ZNF608: variants seen among roughly 807,000 people sequenced by gnomAD.
The protein encoded by ZNF608 is zinc finger protein 608.
A neutral mutation model predicts 109.0 loss-of-function variants in ZNF608; 12 were observed. The observed-to-expected ratio is 0.11, with a 90% CI of 0.07 to 0.18. The LOEUF (loss-of-function observed/expected upper bound fraction) is 0.18. Among genes scored for constraint, ZNF608 ranks in the 10% least tolerant of loss-of-function variants. ZNF608 has a pLI of 1.00. For missense variants in ZNF608, 1,707 were observed against 1,879.3 expected, an observed-to-expected ratio of 0.91 and a Z score of 1.70; for synonymous variants, 732 against 717.4, an observed-to-expected ratio of 1.02 and a Z score of -0.33.
Position 124,641,283 on chromosome 5 carries a change from C to T in ZNF608, c.4419G>A (p.Pro1473=), listed in dbSNP as rs1243261751. The change falls in exon 8 of 10, where the codon CCG becomes CCA. Residue 1473 remains proline, a synonymous_variant. Transcript: ENST00000513986. ...AAGGGTCATATTGACCCGGGATTAG[C>T]GGGTAACCCATGCCAACGTGGGTGT... is the stretch of plus-strand genomic sequence containing the variant. ...HHHTHVGMGY[P]LIPGQYDPFQ... is the part of the protein sequence containing the mutation. 1.2e-5 allele frequency: 20 copies of T among 1,613,672 alleles called. No homozygotes were observed. In the East Asian group the frequency reaches 1.3e-4, roughly 11 times the overall value.
intron 2 of ZNF608, among the ~76,000 whole-genome samples, chr5:124,731,140 AT>A (rs200404214): frequency 1.3e-5 from 2 of 152,030 alleles, no homozygotes; most frequent in South Asian, 2.1e-4. Context: ...GTAAGACATG[AT>A]TTTTTTTTAT....
In ZNF608 at chr5:124,637,705, G is replaced by T; in HGVS notation, c.*195C>A. On this transcript the variant is annotated 3_prime_UTR_variant, in exon 10 of 10. Transcript: ENST00000513986. Reference sequence around the variant, plus strand: ...TATGTATATATACAGATATGTATACGTATATATATATAAAACAGAAGTTTA... The same window carrying T: ...TATGTATATATACAGATATGTATACTTATATATATATAAAACAGAAGTTTA... 2.8e-6 allele frequency: 1 copy of T among 360,532 alleles called. No individual in the cohort carries two copies. The highest frequency in any genetic ancestry group is 5.0e-6 in the Non-Finnish European group (1 of 199,620). 22.3% of individuals were successfully genotyped at this position (360,532 alleles called of 1,614,324 possible). A position where few individuals can be genotyped will look rare whatever the true frequency, so the allele number is the denominator to read the frequency against.
chr5:124,743,854 AAGCAGCAGC>A (rs144751589), intron 2 of ZNF608, among the ~76,000 whole-genome samples: 52 of 151,294 alleles, frequency 3.4e-4, no homozygotes, highest in African/African-American at 8.2e-4. Context: ...CTAGCATCAC[AAGCAGCAGC>A]AGCAGCAGCA....
intron 3 of ZNF608, among the ~76,000 whole-genome samples, chr5:124,684,823 T>A (rs1752336863): frequency 6.6e-6 from 1 of 152,210 alleles, no homozygotes; most frequent in Admixed American, 6.5e-5. Flanking sequence ...TCTCATGGTT[T>A]AGCTACAGGT....
chr5:124,715,477 T>C (rs1753653682), intron 2 of ZNF608, among the ~76,000 whole-genome samples: 1 of 152,250 alleles, frequency 6.6e-6, no homozygotes, highest in African/African-American at 2.4e-5. Context: ...ACCATTAAAA[T>C]AATTTCTAGC....
At chr5:124,678,462 A>G (rs1413338829) in intron 3 of ZNF608, among the ~76,000 whole-genome samples, 1 of 152,188 alleles carries the variant, frequency 6.6e-6, no homozygotes, top group Admixed American at 6.5e-5. Flanking sequence ...TGCCACTGAT[A>G]GGTTCCTGTA....
At chr5:124,696,038 T>C (rs138355901) in intron 3 of ZNF608, among the ~76,000 whole-genome samples, 2,066 of 151,540 alleles carry the variant, frequency 0.014, 42 homozygotes, top group African/African-American at 0.047. Context: ...ACAAAAATTA[T>C]CGAGGTGTGG....
At chr5:124,708,530 CA>C (rs1300421347) in intron 2 of ZNF608, among the ~76,000 whole-genome samples, 7 of 152,184 alleles carry the variant, frequency 4.6e-5, no homozygotes, top group African/African-American at 1.7e-4. Context: ...ACCCATAGTT[CA>C]GAATAGTGAA....
chr5:124,733,593 G>C (rs1335832843), intron 2 of ZNF608, among the ~76,000 whole-genome samples: 1 of 152,260 alleles, frequency 6.6e-6, no homozygotes, highest in East Asian at 1.9e-4. Context: ...AGGGTAATTA[G>C]TGAACCCCAG....
At chr5:124,727,445 C>G (rs1021008410) in intron 2 of ZNF608, among the ~76,000 whole-genome samples, 1 of 151,954 alleles carries the variant, frequency 6.6e-6, no homozygotes, top group East Asian at 1.9e-4. Context: ...TTTCTCAAAT[C>G]AATTTCATTG....
intron 2 of ZNF608, among the ~76,000 whole-genome samples, chr5:124,722,458 A>G (rs957249041): frequency 6.6e-6 from 1 of 152,124 alleles, no homozygotes; most frequent in Non-Finnish European, 1.5e-5. Flanking sequence ...GCTGCAAATC[A>G]TTAGTCCTTT....
intron 9 of ZNF608, among the ~76,000 whole-genome samples, chr5:124,638,625 A>G (rs1411355322): frequency 6.6e-6 from 1 of 152,228 alleles, no homozygotes; most frequent in African/African-American, 2.4e-5. Flanking sequence ...TTCCATTCAA[A>G]TGTGGAATTC....
intron 2 of ZNF608, among the ~76,000 whole-genome samples, chr5:124,706,889 T>A (rs561391009): frequency 2.3e-4 from 35 of 152,244 alleles, no homozygotes; most frequent in African/African-American, 8.4e-4. Context: ...TGGCTATTTA[T>A]CACGCGAGAG....
intron 2 of ZNF608, chr5:124,708,737 C>T (rs758547844): frequency 3.3e-5 from 15 of 456,286 alleles, no homozygotes; most frequent in South Asian, 2.3e-4. Flanking sequence ...ACCCTGCCCT[C>T]AAGTGCTGTT....
At chr5:124,653,625 C>A (rs186469413) in intron 3 of ZNF608, among the ~76,000 whole-genome samples, 5 of 152,286 alleles carry the variant, frequency 3.3e-5, no homozygotes, top group Admixed American at 1.3e-4. Context: ...AGGCTAGACC[C>A]TGGATTTCAT....
chr5:124,639,913 C>T (rs1449014291), intron 8 of ZNF608, among the ~76,000 whole-genome samples: 1 of 152,106 alleles, frequency 6.6e-6, no homozygotes, highest in Non-Finnish European at 1.5e-5. Flanking sequence ...TAAGACAGTA[C>T]AATAACAATA....
At chr5:124,673,382 G>T (rs1387071742) in intron 3 of ZNF608, among the ~76,000 whole-genome samples, 2 of 152,136 alleles carry the variant, frequency 1.3e-5, no homozygotes, top group African/African-American at 2.4e-5. Context: ...TAACTAGTTG[G>T]TGGATTAAGC....
At chr5:124,661,354 C>T (rs1267833377) in intron 3 of ZNF608, among the ~76,000 whole-genome samples, 2 of 152,064 alleles carry the variant, frequency 1.3e-5, no homozygotes, top group Non-Finnish European at 2.9e-5. Context: ...TGCAGATGGA[C>T]AGAGCAGGTT....
intron 3 of ZNF608, among the ~76,000 whole-genome samples, chr5:124,683,094 T>C (rs147081564): frequency 9.9e-5 from 15 of 152,254 alleles, no homozygotes; most frequent in African/African-American, 3.4e-4. Flanking sequence ...AGCAGTCCTA[T>C]GGAGAGGCCC....
Sources: allele counts gnomAD v4.1 joint callset (sites outside exome capture counted in the v4.1 genomes callset), GRCh38; gene constraint gnomAD v4.1.1; transcripts MANE v1.5; gene names NCBI Gene and HGNC (gene_info 2026-07-23, HGNC 2026-07-21).